Variants in HPCAL1 observed in about 807,000 individuals in gnomAD.
HPCAL1 encodes hippocalcin-like protein 1.
HPCAL1 carries 8 observed loss-of-function variants against 17.1 expected under a neutral mutation model. The ratio of observed to expected loss-of-function variants is 0.47; its 90% confidence interval spans 0.27 to 0.84. The LOEUF (loss-of-function observed/expected upper bound fraction) is 0.84. Among genes scored for constraint, HPCAL1 ranks in the 40% least tolerant of loss-of-function variants. HPCAL1 has a pLI of 0.13. For synonymous variants in HPCAL1, 112 were observed against 111.4 expected, an observed-to-expected ratio of 1.01 and a Z score of -0.03; for missense variants, 165 against 271.1, an observed-to-expected ratio of 0.61 and a Z score of 2.75.
intron 1 of HPCAL1, among the ~76,000 whole-genome samples, chr2:10,315,896 A>T (rs1197508818): frequency 6.6e-6 from 1 of 152,044 alleles, no homozygotes; most frequent in African/African-American, 2.4e-5. Flanking sequence ...AGTGCCAGCT[A>T]CTCGGGAGGC....
At position 10,395,113 on chromosome 2, in the gene HPCAL1, AACACACACACACACACACACACAC is replaced by A. The variant is rs55678486; in HGVS notation, c.-110-1699_-110-1676del. Among the ~76,000 whole-genome samples, 56 of 138,464 alleles carry A rather than the reference AACACACACACACACACACACACAC, an allele frequency of 4.0e-4. No homozygotes were observed. The highest frequency in any genetic ancestry group is 1.4e-3 in the African/African-American group (52 of 36,716). 90.8% of individuals were successfully genotyped at this position (138,464 alleles called of 152,430 possible). On this transcript the variant is annotated intron_variant, in intron 1 of 4. Transcript: ENST00000307845. The surrounding 1 kb of genome is among the most constrained non-coding windows in gnomAD (Gnocchi z 4.4). ...TGTCCAGCCTAAAATCTATCTTTAA[AACACACACACACACACACACACAC>A]ACACACACACACACACACACACTGC...
intron 1 of HPCAL1, among the ~76,000 whole-genome samples, chr2:10,303,385 C>T (rs1297910694): frequency 6.6e-6 from 1 of 152,164 alleles, no homozygotes; most frequent in Non-Finnish European, 1.5e-5. Flanking sequence ...GGCGTGTACT[C>T]GTGGGCATCC....
chr2:10,421,334 G>A (rs1243831889), intron 3 of HPCAL1, among the ~76,000 whole-genome samples: 1 of 152,202 alleles, frequency 6.6e-6, no homozygotes, highest in Non-Finnish European at 1.5e-5. Flanking sequence ...TTGGCCAGGT[G>A]CCTAGGTATG....
intron 1 of HPCAL1, among the ~76,000 whole-genome samples, chr2:10,358,521 A>G (rs565468112): frequency 1.3e-4 from 20 of 152,306 alleles, no homozygotes; most frequent in African/African-American, 4.8e-4. Context: ...TCCTGTGCCT[A>G]TAAAAACCGC....
chr2:10,332,503 G>T (rs1470002221), intron 1 of HPCAL1, among the ~76,000 whole-genome samples: 1 of 152,056 alleles, frequency 6.6e-6, no homozygotes, highest in African/African-American at 2.4e-5. Flanking sequence ...GGTGGGAGGT[G>T]GGGGGTAGCC....
chr2:10,409,945 C>G (rs999332366), intron 2 of HPCAL1, among the ~76,000 whole-genome samples: 1 of 151,954 alleles, frequency 6.6e-6, no homozygotes, highest in Non-Finnish European at 1.5e-5. Flanking sequence ...TGCGTGCCAC[C>G]GCACCCAGCT....
rs997306470 is a variant in HPCAL1, at chr2:10,412,076, T to C, written c.-24-7658T>C. 4.6e-5 allele frequency among the ~76,000 whole-genome samples: 7 copies of C among 152,226 alleles called. No homozygotes were observed. The East Asian group carries it at 1.2e-3, about 25-fold the overall frequency. ...GTAAGAAGCAAGTGCCAACCTTTGC[T>C]TGGCCCAGTGAAGTGGTGTTTCCTG... On this transcript the variant is annotated intron_variant, in intron 2 of 4. Coordinates refer to ENST00000307845, the MANE Select transcript of HPCAL1 (RefSeq NM_002149.4).
intron 1 of HPCAL1, among the ~76,000 whole-genome samples, chr2:10,371,858 G>A (rs1312087164): frequency 6.6e-6 from 1 of 152,220 alleles, no homozygotes; most frequent in Non-Finnish European, 1.5e-5. Context: ...GCTTTGTCCG[G>A]GGGGTTTTCT....
At chr2:10,406,232 A>G (rs1395100537) in intron 2 of HPCAL1, 1 of 152,282 alleles carries the variant, frequency 6.6e-6, no homozygotes, top group Non-Finnish European at 1.5e-5. Context: ...CGCTGTCCCC[A>G]TGCCCTGGCA....
chr2:10,313,696 T>C (rs1663124760), intron 1 of HPCAL1, among the ~76,000 whole-genome samples: 1 of 152,218 alleles, frequency 6.6e-6, no homozygotes, highest in Non-Finnish European at 1.5e-5. Flanking sequence ...GTTTGACAAA[T>C]GGGGCTTAGG....
intron 1 of HPCAL1, among the ~76,000 whole-genome samples, chr2:10,321,917 C>T (rs1293477166): frequency 6.6e-6 from 1 of 152,194 alleles, no homozygotes; most frequent in African/African-American, 2.4e-5. Flanking sequence ...CTGAACAATG[C>T]TGCGAGGAAC....
chr2:10,410,354 C>A (rs1404255850), intron 2 of HPCAL1, among the ~76,000 whole-genome samples: 1 of 151,796 alleles, frequency 6.6e-6, no homozygotes, highest in Non-Finnish European at 1.5e-5. Context: ...CAGGCAATAC[C>A]GACTCTGGGT....
chr2:10,338,462 A>C (rs1664857267), intron 1 of HPCAL1, among the ~76,000 whole-genome samples: 1 of 152,146 alleles, frequency 6.6e-6, no homozygotes, highest in African/African-American at 2.4e-5. Context: ...CCCATCTGTG[A>C]AGTAGGGATC....
rs1320506839 is a variant in HPCAL1, at chr2:10,365,122, T to A, written c.-110-31713T>A. Among the ~76,000 whole-genome samples, 2 of 152,112 alleles carry A rather than the reference T, an allele frequency of 1.3e-5. No individual in the cohort carries two copies. Among genetic ancestry groups the A allele is most frequent in the African/African-American group, 4.8e-5 (2 of 41,418 alleles). Reference sequence around the variant, plus strand: ...ATGTACCCCTATCCCCATCCCTAAATGAGAGTGTCCACACCACCCGCCCTG... The same window carrying A: ...ATGTACCCCTATCCCCATCCCTAAAAGAGAGTGTCCACACCACCCGCCCTG... On this transcript the variant is annotated intron_variant, in intron 1 of 4. Transcript: ENST00000307845. The surrounding 1 kb of genome is among the most constrained non-coding windows in gnomAD (Gnocchi z 4.8).
chr2:10,336,490 C>G (rs1370204117), intron 1 of HPCAL1, among the ~76,000 whole-genome samples: 1 of 152,134 alleles, frequency 6.6e-6, no homozygotes. Context: ...GTTGTTTGCA[C>G]TTTTGCATTA....
chr2:10,411,648 C>T (rs555885846), intron 2 of HPCAL1, among the ~76,000 whole-genome samples: 1 of 152,346 alleles, frequency 6.6e-6, no homozygotes, highest in Admixed American at 6.5e-5. Context: ...GAGCTGGTGA[C>T]TGGGGACCGG....
At chr2:10,369,208 G>A (rs1439497328) in intron 1 of HPCAL1, 3 of 152,256 alleles carry the variant, frequency 2.0e-5, no homozygotes, top group Non-Finnish European at 4.4e-5. Context: ...GGGCCACTGA[G>A]TCCTGCCATG....
rs551439908 is a variant in HPCAL1, at chr2:10,312,146, C to CCAT, written c.-111+8981_-111+8983dup. 2.0e-5 allele frequency among the ~76,000 whole-genome samples: 3 copies of CCAT among 150,844 alleles called. No individual in the cohort carries two copies. The East Asian group carries it at 5.9e-4, about 30-fold the overall frequency. On this transcript the variant is annotated intron_variant, in intron 1 of 4. Coordinates refer to ENST00000307845, the MANE Select transcript of HPCAL1 (RefSeq NM_002149.4). ...TCACCATCATCACCATTCTCCATCACCATCATCATCATCACTATCATCCCC... is the reference window on the plus strand; with the variant it reads ...TCACCATCATCACCATTCTCCATCACCATCATCATCATCATCACTATCATCCCC...
intron 1 of HPCAL1, among the ~76,000 whole-genome samples, chr2:10,372,969 G>A (rs1460415363): frequency 6.6e-6 from 1 of 152,232 alleles, no homozygotes; most frequent in Admixed American, 6.5e-5. Flanking sequence ...GGAGGGATCA[G>A]CCCTACAAGG....
Sources: gnomAD v4.1 joint callset for allele counts (sites outside exome capture counted in the v4.1 genomes callset) on GRCh38, gnomAD v4.1.1 for gene constraint, Gnocchi (gnomAD v3.1) non-coding constraint, MANE v1.5 for transcripts, NCBI Gene and HGNC (gene_info 2026-07-23, HGNC 2026-07-21) for gene names.